The following RPS6KC1 variants were observed in gnomAD, a reference collection of about 807,000 sequenced individuals.
The protein encoded by RPS6KC1 is ribosomal protein S6 kinase C1, also known as inactive ribosomal protein S6 kinase delta-1.
In RPS6KC1, 54 loss-of-function variants were observed where a neutral mutation model predicts 103.8. The observed-to-expected ratio is 0.52, with a 90% CI of 0.42 to 0.65. The LOEUF (loss-of-function observed/expected upper bound fraction) is 0.65, where lower values mean the gene tolerates loss of function less well. RPS6KC1 is among the 30% of genes least tolerant of loss of function. The probability of loss-of-function intolerance (pLI) is 0.00; values close to 1 mark genes in which losing one functional copy is unlikely to be tolerated. For synonymous variants in RPS6KC1, 439 were observed against 438.7 expected (o/e 1.00, Z -0.01); for missense variants, 1,151 against 1,253.8 (o/e 0.92, Z 1.24).
intron 6 of RPS6KC1, among the ~76,000 whole-genome samples, chr1:213,147,624 T>C (rs1180254636): frequency 6.6e-6 from 1 of 152,194 alleles, no homozygotes; most frequent in Non-Finnish European, 1.5e-5. Flanking sequence ...TGAAGTCAGG[T>C]TATGTGATTC....
chr1:213,757,815 A>T, the RPS6KC1 span, among the ~76,000 whole-genome samples: 1 of 152,198 alleles, frequency 6.6e-6, no homozygotes, highest in Admixed American at 6.5e-5. Context: ...TTTCAGGCTA[A>T]TGCATCTGGT....
chr1:213,285,428 C>G, the RPS6KC1 span, among the ~76,000 whole-genome samples: 1 of 152,028 alleles, frequency 6.6e-6, no homozygotes, highest in Non-Finnish European at 1.5e-5. Context: ...CGTAAGAAAC[C>G]TAGTAGAGAA....
At chr1:213,261,952 G>A (rs1245892459) in intron 13 of RPS6KC1, among the ~76,000 whole-genome samples, 1 of 152,144 alleles carries the variant, frequency 6.6e-6, no homozygotes, top group Non-Finnish European at 1.5e-5. Flanking sequence ...TAAGGTTTAT[G>A]TAAGGATGTA....
rs1558615148 is a variant in RPS6KC1, at chr1:213,241,729, A to G, written c.2253A>G (p.Glu751=). 6.2e-6 allele frequency: 10 copies of G among 1,614,008 alleles called. No individual in the cohort carries two copies. Among genetic ancestry groups the G allele is most frequent in the African/African-American group, 2.7e-5 (2 of 75,058 alleles). The change falls in exon 11 of 15, where the codon GAA becomes GAG. Residue 751 remains glutamate (E), a synonymous_variant. Transcript: ENST00000366960. ...CQAHEEKGIE[E]LSDPSGPKSY... is the part of the protein sequence containing the mutation. ...CACATGAGGAGAAAGGCATAGAGGA[A>G]CTGAGTGATCCCTCTGGGCCCAAAT...
intron 10 of RPS6KC1, among the ~76,000 whole-genome samples, chr1:213,232,488 T>C (rs2094127284): frequency 6.6e-6 from 1 of 152,230 alleles, no homozygotes; most frequent in Non-Finnish European, 1.5e-5. Context: ...CACTACTTAC[T>C]TTCTCATGGA....
chr1:213,098,885 A>G (rs1414705035), intron 3 of RPS6KC1, among the ~76,000 whole-genome samples: 1 of 152,204 alleles, frequency 6.6e-6, no homozygotes, highest in Non-Finnish European at 1.5e-5. Context: ...GTAAATTGAA[A>G]TTCAATAAGA....
chr1:213,170,083 A>G (rs1036566995), intron 7 of RPS6KC1, among the ~76,000 whole-genome samples: 1 of 152,160 alleles, frequency 6.6e-6, no homozygotes, highest in Non-Finnish European at 1.5e-5. Context: ...ACGCCTGGCC[A>G]GTATTCTAAA....
the RPS6KC1 span, among the ~76,000 whole-genome samples, chr1:213,750,587 C>A: frequency 6.6e-6 from 1 of 152,076 alleles, no homozygotes; most frequent in Admixed American, 6.5e-5. Context: ...GTTGCTAGCT[C>A]GAGGCATTAG....
intron 8 of RPS6KC1, among the ~76,000 whole-genome samples, chr1:213,206,159 A>C (rs1397854077): frequency 1.3e-5 from 2 of 152,186 alleles, no homozygotes. Context: ...ATTTTTAGAG[A>C]TAGCATTGTA....
At chr1:213,380,456 G>A in the RPS6KC1 span, among the ~76,000 whole-genome samples, 2 of 151,946 alleles carry the variant, frequency 1.3e-5, no homozygotes, top group Non-Finnish European at 2.9e-5. Context: ...TAACAAACCT[G>A]CACATCCTGC....
the RPS6KC1 span, among the ~76,000 whole-genome samples, chr1:213,653,418 C>T: frequency 6.6e-6 from 1 of 151,908 alleles, no homozygotes; most frequent in South Asian, 2.1e-4. Context: ...GTGATCATGC[C>T]ACTGCACTCC....
the RPS6KC1 span, among the ~76,000 whole-genome samples, chr1:213,445,140 A>G: frequency 6.6e-6 from 1 of 152,134 alleles, no homozygotes; most frequent in Non-Finnish European, 1.5e-5. Flanking sequence ...ACTTAGCATA[A>G]TGTTTTCAGG....
At chr1:213,158,422 C>G (rs990388779) in intron 6 of RPS6KC1, among the ~76,000 whole-genome samples, 12 of 152,204 alleles carry the variant, frequency 7.9e-5, no homozygotes, top group Admixed American at 2.0e-4. Context: ...ACCATTTGAC[C>G]TAAAACTCAG....
the RPS6KC1 span, among the ~76,000 whole-genome samples, chr1:213,756,935 C>G: frequency 6.6e-6 from 1 of 152,020 alleles, no homozygotes; most frequent in Non-Finnish European, 1.5e-5. Context: ...ATTATTATAT[C>G]TGTTATAGTG....
the RPS6KC1 span, among the ~76,000 whole-genome samples, chr1:213,857,259 C>T: frequency 3.3e-5 from 5 of 152,234 alleles, no homozygotes; most frequent in East Asian, 9.7e-4. Flanking sequence ...CCAGTGGCTG[C>T]CATTTTGAGC....
chr1:213,754,767 C>T, the RPS6KC1 span, among the ~76,000 whole-genome samples: 1 of 152,190 alleles, frequency 6.6e-6, no homozygotes, highest in African/African-American at 2.4e-5. Context: ...AGTGCAAGAA[C>T]AGACTACTAC....
chr1:213,647,248 G>A, the RPS6KC1 span, among the ~76,000 whole-genome samples: 2 of 152,048 alleles, frequency 1.3e-5, no homozygotes, highest in African/African-American at 2.4e-5. Flanking sequence ...TTTGAAGGAG[G>A]TTGACTTTAC....
At chr1:213,218,517 C>G (rs1474767401) in intron 8 of RPS6KC1, among the ~76,000 whole-genome samples, 1 of 152,128 alleles carries the variant, frequency 6.6e-6, no homozygotes, top group East Asian at 1.9e-4. Context: ...TTGGAAAAAA[C>G]TACTTTAAAG....
chr1:213,823,673 A>G, the RPS6KC1 span, among the ~76,000 whole-genome samples: 1 of 151,046 alleles, frequency 6.6e-6, no homozygotes, highest in Non-Finnish European at 1.5e-5. Flanking sequence ...AAAACATTCA[A>G]GTTTTTATTC....
Sources: allele counts gnomAD v4.1 joint callset (sites outside exome capture counted in the v4.1 genomes callset), GRCh38; gene constraint gnomAD v4.1.1; transcripts MANE v1.5; gene names NCBI Gene and HGNC (gene_info 2026-07-23, HGNC 2026-07-21).